The following LEF1 variants were observed in gnomAD, a reference collection of about 807,000 sequenced individuals.
LEF1 encodes lymphoid enhancer binding factor 1.
In LEF1, 14 loss-of-function variants were observed where a neutral mutation model predicts 51.2. The observed-to-expected ratio is 0.27, with a 90% confidence interval of 0.18 to 0.43. The LOEUF (loss-of-function observed/expected upper bound fraction) is 0.43. LEF1 is among the 20% of genes least tolerant of loss of function. The pLI is 1.00. For missense variants in LEF1, 386 were observed against 512.0 expected, an observed-to-expected ratio of 0.75 and a Z score of 2.37; for synonymous variants, 185 against 183.2, an observed-to-expected ratio of 1.01 and a Z score of -0.08.
At chr4:108,148,564 C>T (rs1327979529) in intron 3 of LEF1, among the ~76,000 whole-genome samples, 1 of 152,204 alleles carries the variant, frequency 6.6e-6, no homozygotes. Flanking sequence ...GATGTTTGCA[C>T]AAGTGTCTCT....
chr4:108,135,606 G>A (rs889120867), intron 3 of LEF1, among the ~76,000 whole-genome samples: 2 of 152,126 alleles, frequency 1.3e-5, no homozygotes, highest in Non-Finnish European at 2.9e-5. Context: ...TCTGCTAGCC[G>A]GCAAGAACAG....
intron 3 of LEF1, among the ~76,000 whole-genome samples, chr4:108,110,656 C>T (rs1049191781): frequency 5.3e-5 from 8 of 152,246 alleles, no homozygotes; most frequent in Non-Finnish European, 1.2e-4. Context: ...CCTAGGTATG[C>T]GACAAGACTG....
At chr4:108,104,209 A>G (rs1225012150) in intron 3 of LEF1, among the ~76,000 whole-genome samples, 2 of 151,958 alleles carry the variant, frequency 1.3e-5, no homozygotes, top group Non-Finnish European at 2.9e-5. Context: ...GACCAGGCAA[A>G]GTCATAGTAA....
chr4:108,070,058 A>G (rs1194561675), intron 9 of LEF1, among the ~76,000 whole-genome samples: 1 of 152,160 alleles, frequency 6.6e-6, no homozygotes, highest in Non-Finnish European at 1.5e-5. Context: ...ACAGAAAAAA[A>G]CTGTTATGTA....
chr4:108,147,109 CAG>C (rs1255862695), intron 3 of LEF1, among the ~76,000 whole-genome samples: 1 of 152,000 alleles, frequency 6.6e-6, no homozygotes, highest in Non-Finnish European at 1.5e-5. Flanking sequence ...GCCTGGGTTA[CAG>C]AGAGAGGCCC....
intron 8 of LEF1, 63 bp from the exon 9 acceptor site, chr4:108,070,833 G>T: frequency 1.8e-6 from 2 of 1,099,994 alleles, no homozygotes; most frequent in Non-Finnish European, 2.7e-6. Context: ...CATATTTTAT[G>T]TTTCAAAAAT....
In LEF1 at chr4:108,146,181, G is replaced by A. The variant is rs558501097; in HGVS notation, c.414+17387C>T. 5.9e-5 allele frequency among the ~76,000 whole-genome samples: 9 copies of A among 152,314 alleles called. 1 individual carries two copies. The East Asian group carries it at 7.7e-4, about 13-fold the overall frequency. On this transcript the variant is annotated intron_variant, in intron 3 of 11. Coordinates refer to ENST00000265165, the MANE Select transcript of LEF1 (RefSeq NM_016269.5). ...ACTGTGTTGCTTAGTCTTTGTCCAC[G>A]TAGCGACCTTGTGACTTTAAAACAC...
chr4:108,057,044 T>C (rs1737355065), intron 11 of LEF1, among the ~76,000 whole-genome samples: 1 of 152,038 alleles, frequency 6.6e-6, no homozygotes, highest in Non-Finnish European at 1.5e-5. Flanking sequence ...CGTGCGACAC[T>C]TGGTTCTCCC....
At chr4:108,079,763 C>A (rs989971060) in intron 6 of LEF1, 149 bp from the exon 7 acceptor site, 6 of 665,206 alleles carry the variant, frequency 9.0e-6, no homozygotes, top group South Asian at 7.2e-5. Context: ...TTAGAGTGGG[C>A]CGATAATTAT....
At chr4:108,152,806 A>G (rs1370891171) in intron 3 of LEF1, among the ~76,000 whole-genome samples, 1 of 152,212 alleles carries the variant, frequency 6.6e-6, no homozygotes, top group East Asian at 1.9e-4. Context: ...TTCAGAGGCC[A>G]CTGGCCACCT....
intron 3 of LEF1, among the ~76,000 whole-genome samples, chr4:108,159,568 C>T (rs1190559392): frequency 1.3e-5 from 2 of 152,194 alleles, no homozygotes; most frequent in African/African-American, 4.8e-5. Flanking sequence ...AGGTATCCAA[C>T]AATGTCACGT....
intron 3 of LEF1, among the ~76,000 whole-genome samples, chr4:108,153,944 T>C (rs1363550662): frequency 1.3e-5 from 2 of 152,212 alleles, no homozygotes; most frequent in Non-Finnish European, 2.9e-5. Flanking sequence ...GTATTTGTGT[T>C]TGTTTACCTA....
intron 2 of LEF1, among the ~76,000 whole-genome samples, chr4:108,164,398 A>G (rs1745257129): frequency 6.6e-6 from 1 of 152,186 alleles, no homozygotes; most frequent in Non-Finnish European, 1.5e-5. Flanking sequence ...TATTGTATGT[A>G]AAAACACTTC....
At chr4:108,144,865 C>CAAAAAA (rs11394687) in intron 3 of LEF1, among the ~76,000 whole-genome samples, 2,005 of 41,366 alleles carry the variant, frequency 0.048, 21 homozygotes, top group Middle Eastern at 0.1. Context: ...CCCAACCAGC[C>CAAAAAA]AAAAAAAAAA....
intron 8 of LEF1, 110 bp from the exon 9 acceptor site, chr4:108,070,880 T>C: frequency 1.3e-6 from 1 of 765,182 alleles, no homozygotes; most frequent in Non-Finnish European, 2.1e-6. Context: ...AACTTTGATT[T>C]ATTTTTAAAT....
rs373640488 is a variant in LEF1 at position 108,167,567 on chromosome 4, G to A, written c.201C>T (p.Ser67=). 4.3e-6 allele frequency: 7 copies of A among 1,614,018 alleles called. No homozygotes were observed. In the African/African-American group the frequency reaches 9.3e-5, roughly 22 times the overall value. ...LVNESEIIPA[S]NGHEVARQAQ... ...GCGGCCCGCTCACCTCGTGTCCGTT[G>A]CTGGCCGGGATGATTTCAGACTCGT... is the stretch of plus-strand genomic sequence containing the variant. Residue 67 remains serine, a synonymous_variant, in exon 1 of 12, where the codon AGC becomes AGT. Coordinates refer to ENST00000265165, the MANE Select transcript of LEF1 (RefSeq NM_016269.5). The surrounding 1 kb of genome is among the most constrained non-coding windows in gnomAD (Gnocchi z 5.7).
chr4:108,151,390 T>G (rs758903396), intron 3 of LEF1, among the ~76,000 whole-genome samples: 4 of 152,162 alleles, frequency 2.6e-5, no homozygotes, highest in Non-Finnish European at 5.9e-5. Flanking sequence ...ACTCACTGAT[T>G]CAATAATCAT....
At chr4:108,113,474 C>T (rs1228778548) in intron 3 of LEF1, among the ~76,000 whole-genome samples, 3 of 152,144 alleles carry the variant, frequency 2.0e-5, no homozygotes, top group African/African-American at 4.8e-5. Context: ...GAAACGGGGA[C>T]CAAAGTTAGG....
At chr4:108,096,588 T>C (rs1465948289) in intron 3 of LEF1, among the ~76,000 whole-genome samples, 1 of 151,956 alleles carries the variant, frequency 6.6e-6, no homozygotes, top group Non-Finnish European at 1.5e-5. Context: ...AATGGACAAA[T>C]GGGATCACGT....
Sources: gnomAD v4.1 joint callset for allele counts (sites outside exome capture counted in the v4.1 genomes callset) on GRCh38, gnomAD v4.1.1 for gene constraint, Gnocchi (gnomAD v3.1) non-coding constraint, MANE v1.5 for transcripts, NCBI Gene and HGNC (gene_info 2026-07-23, HGNC 2026-07-21) for gene names.